Variants in BLK observed in about 807,000 individuals in gnomAD.
The protein encoded by BLK is BLK proto-oncogene, Src family tyrosine kinase, also known as tyrosine-protein kinase Blk.
A neutral mutation model predicts 61.8 loss-of-function variants in BLK; 64 were observed. The ratio of observed to expected loss-of-function variants is 1.03; its 90% CI spans 0.85 to 1.27. The LOEUF (loss-of-function observed/expected upper bound fraction) is 1.27, where lower values mean the gene tolerates loss of function less well. Ranked by LOEUF, BLK falls within the 50% of genes most tolerant of loss-of-function variation. The pLI is 0.00. For missense variants in BLK, 853 were observed against 660.5 expected (o/e 1.29, Z -3.19); for synonymous variants, 351 against 272.0 (o/e 1.29, Z -2.86).
At chr8:11,511,896 A>G (rs756887295) in intron 1 of BLK, among the ~76,000 whole-genome samples, 3 of 152,180 alleles carry the variant, frequency 2.0e-5, no homozygotes, top group Non-Finnish European at 4.4e-5. Context: ...TTGGTAAATG[A>G]AACTATTTAC....
intron 1 of BLK, among the ~76,000 whole-genome samples, chr8:11,502,941 G>T (rs971885498): frequency 6.6e-6 from 1 of 152,214 alleles, no homozygotes; most frequent in African/African-American, 2.4e-5. Flanking sequence ...ACCAGCTGCT[G>T]CCAGCCACTG....
At position 11,556,895 on chromosome 8, in the gene BLK, G is replaced by A; in HGVS notation, c.952+58G>A. 3.2e-6 allele frequency: 5 copies of A among 1,547,044 alleles called. No homozygotes were observed. In the South Asian group the frequency reaches 4.5e-5, roughly 14 times the overall value. On this transcript the variant is annotated intron_variant, in intron 9 of 12. Coordinates refer to ENST00000259089, the MANE Select transcript of BLK (RefSeq NM_001715.3). ...CGAGGCGGGAGGGCCGGGCTTAGCA[G>A]GAGGAGGAGGGTCCGCTGCGGTGGG...
In BLK at chr8:11,531,352, T is replaced by TTCTATTCTAAGGGAATAA. The variant is rs775770339; in HGVS notation, c.-1-11854_-1-11837dup. On this transcript the variant is annotated intron_variant, in intron 1 of 12. Transcript: ENST00000259089. ...AATTTTTCTTGTATACTTTATGATC[T>TTCTATTCTAAGGGAATAA]TCTATTCTAAGGGAATAATCTATTC... Among the ~76,000 whole-genome samples the TTCTATTCTAAGGGAATAA allele has an allele frequency of 4.6e-5, 7 of 152,350 alleles. No individual in the cohort carries two copies. In the East Asian group the frequency reaches 5.8e-4, roughly 13 times the overall value.
rs1263325804 is a variant in BLK, at chr8:11,524,271, C to CTATATG, written c.-1-18944_-1-18939dup. ...AAACAGTTTGGCCCATTTTTCAAGA[C>CTATATG]TATATGTATATGTAACACCTTTGAA... On this transcript the variant is annotated intron_variant, in intron 1 of 12. Coordinates refer to ENST00000259089, the MANE Select transcript of BLK (RefSeq NM_001715.3). Among the ~76,000 whole-genome samples the CTATATG allele has an allele frequency of 2.6e-5, 4 of 152,262 alleles. No individual in the cohort carries two copies. The East Asian group carries it at 7.7e-4, about 29-fold the overall frequency.
chr8:11,555,261 T>G (rs1437347291), intron 7 of BLK, 71 bp from the exon 8 acceptor site: 2 of 1,605,428 alleles, frequency 1.2e-6, no homozygotes, highest in Non-Finnish European at 1.7e-6. Flanking sequence ...CAGCTAGGAA[T>G]GATACAGCTC....
At position 11,543,309 on chromosome 8, in the gene BLK, A is replaced by C; in HGVS notation, c.85A>C (p.Ser29Arg). ...DKGQWSPLKV[S>R]AQDKDAPPLP... is the part of the protein sequence containing the mutation. ...GGGCCAATGGAGCCCCCTGAAGGTC[A>C]GCGCCCAAGACAAGGACGCCCCGCC... The change falls in exon 2 of 13, where the codon AGC becomes CGC. Residue 29 changes from serine (S) to arginine (R), a missense_variant. Ser to Arg is a moderately radical substitution (Grantham distance 110). Transcript: ENST00000259089. 1 of 1,613,566 alleles carries C rather than the reference A, an allele frequency of 6.2e-7. No individual in the cohort carries two copies. The highest frequency in any genetic ancestry group is 8.5e-7 in the Non-Finnish European group (1 of 1,180,020).
intron 1 of BLK, among the ~76,000 whole-genome samples, chr8:11,532,093 A>C (rs988955360): frequency 6.6e-6 from 1 of 152,140 alleles, no homozygotes; most frequent in Admixed American, 6.5e-5. Flanking sequence ...CCCTGACCTC[A>C]AGTAATTCAC....
Position 11,541,725 on chromosome 8 carries a change from T to G in BLK, c.-1-1499T>G, listed in dbSNP as rs562740030. Reference sequence around the variant, plus strand: ...GTTAGCCAGGCTGGTCTCGAACTCCTGACCTCAAGGGATCTGCCCGCCTCG... The same window carrying G: ...GTTAGCCAGGCTGGTCTCGAACTCCGGACCTCAAGGGATCTGCCCGCCTCG... On this transcript the variant is annotated intron_variant, in intron 1 of 12. Transcript: ENST00000259089. Among the ~76,000 whole-genome samples, 5 of 152,178 alleles carry G rather than the reference T, an allele frequency of 3.3e-5. 1 individual carries two copies. In the South Asian group the frequency reaches 1.0e-3, roughly 31 times the overall value.
Position 11,530,097 on chromosome 8 carries a change from C to A in BLK, c.-1-13127C>A, listed in dbSNP as rs567168375. 6.6e-5 allele frequency among the ~76,000 whole-genome samples: 10 copies of A among 152,290 alleles called. No individual in the cohort carries two copies. In the South Asian group the frequency reaches 2.1e-3, roughly 32 times the overall value. On this transcript the variant is annotated intron_variant, in intron 1 of 12. Coordinates refer to ENST00000259089, the MANE Select transcript of BLK (RefSeq NM_001715.3). ...ATAAGCTTGCCTTATTATACTTTGCCTAATTATTTACATAAAGTGCAGCAA... is the reference window on the plus strand; with the variant it reads ...ATAAGCTTGCCTTATTATACTTTGCATAATTATTTACATAAAGTGCAGCAA...
intron 1 of BLK, among the ~76,000 whole-genome samples, chr8:11,522,948 T>C (rs1217863377): frequency 6.6e-6 from 1 of 152,200 alleles, no homozygotes; most frequent in African/African-American, 2.4e-5. Context: ...CAATCTTTAG[T>C]TGTATCTTCA....
chr8:11,518,470 G>A (rs1419482155), intron 1 of BLK, among the ~76,000 whole-genome samples: 2 of 152,084 alleles, frequency 1.3e-5, no homozygotes, highest in African/African-American at 4.8e-5. Flanking sequence ...AGGATTGAGG[G>A]GTGTCTCTCT....
chr8:11,523,190 T>C (rs942147510), intron 1 of BLK, among the ~76,000 whole-genome samples: 2 of 152,182 alleles, frequency 1.3e-5, no homozygotes, highest in African/African-American at 4.8e-5. Flanking sequence ...TAGGAAAGAT[T>C]AATAAATTGA....
In BLK at chr8:11,556,417, G is replaced by A. The variant is rs894144785; in HGVS notation, c.773-241G>A. 12 of 563,550 alleles carry A rather than the reference G, an allele frequency of 2.1e-5. No individual in the cohort carries two copies. In the East Asian group the frequency reaches 2.3e-4, roughly 11 times the overall value. The allele number at this position is 563,550 out of a possible 1,614,324, so 34.9% of individuals were successfully genotyped here. ...ACAGAAGGACACAGGCCCAGGGTGTGGGGCAAATAGGTGAAATGCCCCCCA... is the reference window on the plus strand; with the variant it reads ...ACAGAAGGACACAGGCCCAGGGTGTAGGGCAAATAGGTGAAATGCCCCCCA... On this transcript the variant is annotated intron_variant, in intron 8 of 12. Coordinates refer to ENST00000259089, the MANE Select transcript of BLK (RefSeq NM_001715.3).
At chr8:11,511,685 A>G (rs1322022156) in intron 1 of BLK, among the ~76,000 whole-genome samples, 1 of 152,126 alleles carries the variant, frequency 6.6e-6, no homozygotes, top group African/African-American at 2.4e-5. Flanking sequence ...TTTAAAGGGG[A>G]TGGACTTCCT....
chr8:11,553,008 G>A (rs73195292), intron 6 of BLK: 15,577 of 156,402 alleles, frequency 0.1, 1,004 homozygotes, highest in South Asian at 0.17. Flanking sequence ...ACATGTCCAC[G>A]CATGCACATA....
chr8:11,511,282 G>A (rs1055107064), intron 1 of BLK, among the ~76,000 whole-genome samples: 6 of 152,204 alleles, frequency 3.9e-5, no homozygotes, highest in East Asian at 1.9e-4. Context: ...ATCACACACC[G>A]GGGCCTGTTG....
chr8:11,555,903 T>C, intron 8 of BLK: 1 of 333,266 alleles, frequency 3.0e-6, no homozygotes. Context: ...TTTGGCCAAG[T>C]CACTGAAGCT....
At chr8:11,501,954 G>A (rs994363503) in intron 1 of BLK, among the ~76,000 whole-genome samples, 31 of 152,210 alleles carry the variant, frequency 2.0e-4, no homozygotes, top group Admixed American at 1.3e-3. Flanking sequence ...GCTCTTTTAA[G>A]CATAGAAAAT....
intron 1 of BLK, among the ~76,000 whole-genome samples, chr8:11,514,580 G>C (rs1439330583): frequency 6.6e-6 from 1 of 152,178 alleles, no homozygotes; most frequent in Non-Finnish European, 1.5e-5. Flanking sequence ...CAGAGATGCT[G>C]CTCCCAGCCG....
Sources: allele counts gnomAD v4.1 joint callset (sites outside exome capture counted in the v4.1 genomes callset), GRCh38; gene constraint gnomAD v4.1.1; transcripts MANE v1.5; gene names NCBI Gene and HGNC (gene_info 2026-07-23, HGNC 2026-07-21).